Variants in MAGI1 observed in about 807,000 individuals in gnomAD.
The protein encoded by MAGI1 is membrane-associated guanylate kinase, WW and PDZ domain-containing protein 1.
A neutral mutation model predicts 139.9 loss-of-function variants in MAGI1; 58 were observed. That is an observed-to-expected ratio of 0.41 (90% CI 0.34 to 0.52). The LOEUF (loss-of-function observed/expected upper bound fraction) is 0.52, where lower values mean the gene tolerates loss of function less well. MAGI1 is among the 20% of genes least tolerant of loss of function. The pLI, the probability that MAGI1 is intolerant of heterozygous loss-of-function variation, is 0.12. For missense variants in MAGI1, 1,874 were observed against 1,901.6 expected (o/e 0.99, Z 0.27); for synonymous variants, 812 against 737.9 (o/e 1.10, Z -1.63).
At chr3:65,938,223 A>G (rs1038374931) in intron 1 of MAGI1, among the ~76,000 whole-genome samples, 1 of 151,214 alleles carries the variant, frequency 6.6e-6, no homozygotes, top group Non-Finnish European at 1.5e-5. Flanking sequence ...AAGTTAACTA[A>G]AATGTTACTT....
At chr3:65,722,738 T>A (rs2033180128) in intron 1 of MAGI1, among the ~76,000 whole-genome samples, 1 of 152,156 alleles carries the variant, frequency 6.6e-6, no homozygotes, top group Non-Finnish European at 1.5e-5. Flanking sequence ...TAGTGTGACA[T>A]GAAAGCCTCA....
chr3:65,579,190 C>A (rs182189594), intron 2 of MAGI1, among the ~76,000 whole-genome samples: 1 of 152,212 alleles, frequency 6.6e-6, no homozygotes, highest in African/African-American at 2.4e-5. Context: ...ACCAGCTCAT[C>A]CCAAGTATTT....
At chr3:65,743,274 A>T (rs184566893) in intron 1 of MAGI1, among the ~76,000 whole-genome samples, 51 of 152,236 alleles carry the variant, frequency 3.4e-4, no homozygotes, top group African/African-American at 1.2e-3. Flanking sequence ...AGCTTTTACT[A>T]TGTGCCTGAT....
At chr3:65,897,721 G>A (rs1288864442) in intron 1 of MAGI1, among the ~76,000 whole-genome samples, 2 of 151,556 alleles carry the variant, frequency 1.3e-5, no homozygotes, top group Non-Finnish European at 2.9e-5. Context: ...AATTCAGCCA[G>A]GCATGGTGGT....
intron 2 of MAGI1, among the ~76,000 whole-genome samples, chr3:65,511,799 G>A (rs1327411389): frequency 7.0e-6 from 1 of 142,564 alleles, no homozygotes; most frequent in Admixed American, 7.1e-5. Flanking sequence ...TCTGCACCAA[G>A]TGGACCTAAT....
intron 1 of MAGI1, among the ~76,000 whole-genome samples, chr3:65,972,304 G>A (rs886801051): frequency 6.6e-6 from 1 of 152,214 alleles, no homozygotes; most frequent in African/African-American, 2.4e-5. Context: ...GAAAGGAGCA[G>A]AGAATATATT....
intron 1 of MAGI1, among the ~76,000 whole-genome samples, chr3:65,831,483 C>T (rs1043447499): frequency 6.6e-6 from 1 of 152,186 alleles, no homozygotes; most frequent in Non-Finnish European, 1.5e-5. Flanking sequence ...TGTATAACCA[C>T]ATACACGGTT....
chr3:65,460,702 C>A (rs11708902), intron 5 of MAGI1, among the ~76,000 whole-genome samples: 33,128 of 121,334 alleles, frequency 0.27, 3,772 homozygotes, highest in Middle Eastern at 0.32. Context: ...CCCTTACCCA[C>A]CACCCTCCAA....
At chr3:65,961,689 G>T (rs766619650) in intron 1 of MAGI1, among the ~76,000 whole-genome samples, 1 of 152,092 alleles carries the variant, frequency 6.6e-6, no homozygotes, top group Admixed American at 6.6e-5. Flanking sequence ...CAGAAAACAG[G>T]GTTCCTTGTA....
At chr3:65,785,951 T>C (rs951020522) in intron 1 of MAGI1, among the ~76,000 whole-genome samples, 1 of 151,714 alleles carries the variant, frequency 6.6e-6, no homozygotes, top group Admixed American at 6.6e-5. Context: ...TTTTTTTTTT[T>C]CTTGAAACGG....
intron 2 of MAGI1, among the ~76,000 whole-genome samples, chr3:65,496,939 A>T (rs1207689845): frequency 6.6e-6 from 1 of 152,196 alleles, no homozygotes; most frequent in African/African-American, 2.4e-5. Context: ...GAATAAAGAC[A>T]GAAATACCTA....
chr3:65,394,373 A>G (rs1215466447), intron 13 of MAGI1, among the ~76,000 whole-genome samples: 1 of 152,302 alleles, frequency 6.6e-6, no homozygotes, highest in Non-Finnish European at 1.5e-5. Context: ...TTTAAATGCC[A>G]TCTAAACTTT....
chr3:65,512,626 T>C (rs1157851493), intron 2 of MAGI1, among the ~76,000 whole-genome samples: 3 of 152,084 alleles, frequency 2.0e-5, no homozygotes, highest in Admixed American at 1.3e-4. Context: ...AATCTCTGAA[T>C]AGACCAATAA....
chr3:65,502,531 A>T (rs2077122076), intron 2 of MAGI1, among the ~76,000 whole-genome samples: 1 of 152,192 alleles, frequency 6.6e-6, no homozygotes, highest in Non-Finnish European at 1.5e-5. Context: ...CTGAAGTGGG[A>T]GGATTGCTTG....
At chr3:65,530,200 G>A (rs770364910) in intron 2 of MAGI1, among the ~76,000 whole-genome samples, 1 of 152,132 alleles carries the variant, frequency 6.6e-6, no homozygotes, top group African/African-American at 2.4e-5. Flanking sequence ...AGTGTTCAGA[G>A]TGCTACTTTG....
rs189765453 is a variant in MAGI1, at chr3:65,601,065, C to T, written c.430+20907G>A. Among the ~76,000 whole-genome samples, 158 of 152,240 alleles carry T rather than the reference C, an allele frequency of 1.0e-3. 1 individual carries two copies. Among genetic ancestry groups the T allele is most frequent in the Non-Finnish European group, 1.5e-3 (104 of 68,012 alleles). Reference sequence around the variant, plus strand: ...AGGGCATGGTACTTAGATCTGAGTTCCCGGCACAGAGAAAGTGCTGACTAA... The same window carrying T: ...AGGGCATGGTACTTAGATCTGAGTTTCCGGCACAGAGAAAGTGCTGACTAA... On this transcript the variant is annotated intron_variant, in intron 2 of 22. Transcript: ENST00000402939.
At chr3:65,659,581 C>A (rs1689730204) in intron 1 of MAGI1, among the ~76,000 whole-genome samples, 1 of 152,164 alleles carries the variant, frequency 6.6e-6, no homozygotes, top group African/African-American at 2.4e-5. Flanking sequence ...GAATATCCCA[C>A]CCCTTGGTTA....
intron 1 of MAGI1, among the ~76,000 whole-genome samples, chr3:65,995,650 A>T (rs2066406363): frequency 6.6e-6 from 1 of 152,172 alleles, no homozygotes; most frequent in East Asian, 1.9e-4. Context: ...CAGACCAGCA[A>T]GCACATTCCT....
chr3:65,683,915 A>G (rs1305753248), intron 1 of MAGI1, among the ~76,000 whole-genome samples: 1 of 151,596 alleles, frequency 6.6e-6, no homozygotes, highest in Non-Finnish European at 1.5e-5. Flanking sequence ...ATGTAACTGC[A>G]GCACTTTGGG....
Sources: gnomAD v4.1 joint callset for allele counts (sites outside exome capture counted in the v4.1 genomes callset) on GRCh38, gnomAD v4.1.1 for gene constraint, MANE v1.5 for transcripts, NCBI Gene and HGNC (gene_info 2026-07-23, HGNC 2026-07-21) for gene names.